The following STAM variants were observed in gnomAD, a reference collection of about 807,000 sequenced individuals.
STAM encodes signal transducing adaptor molecule.
STAM carries 16 observed loss-of-function variants against 63.4 expected under a neutral mutation model. The ratio of observed to expected loss-of-function variants is 0.25; its 90% CI spans 0.17 to 0.38. The LOEUF is 0.38. STAM is among the 10% of genes least tolerant of loss of function. The pLI is 1.00. For synonymous variants in STAM, 238 were observed against 223.9 expected, an observed-to-expected ratio of 1.06 and a Z score of -0.56; for missense variants, 636 against 657.1, an observed-to-expected ratio of 0.97 and a Z score of 0.35.
chr10:17,685,932 G>C (rs1398877932), intron 4 of STAM, among the ~76,000 whole-genome samples: 1 of 152,120 alleles, frequency 6.6e-6, no homozygotes, highest in African/African-American at 2.4e-5. Flanking sequence ...CCTTTTTAGG[G>C]GGAGTACTGT....
chr10:17,652,343 A>G (rs1833774069), intron 1 of STAM, among the ~76,000 whole-genome samples: 1 of 152,186 alleles, frequency 6.6e-6, no homozygotes, highest in Non-Finnish European at 1.5e-5. Flanking sequence ...GAACAATTTT[A>G]GATTTCTGAA....
chr10:17,693,430 C>T lies in STAM; in HGVS notation c.535+118C>T. 8.0e-6 allele frequency: 6 copies of T among 751,298 alleles called. 1 individual carries two copies. In the South Asian group the frequency reaches 1.1e-4, roughly 14 times the overall value. 46.5% of individuals were successfully genotyped at this position (751,298 alleles called of 1,614,324 possible). On this transcript the variant is annotated intron_variant, in intron 6 of 13. Transcript: ENST00000377524. ...AAAAGCTGAAATCTGCTTTGTTGCC[C>T]TCCTCAGTATTCTTTGCTTTACTCT...
intron 12 of STAM, among the ~76,000 whole-genome samples, chr10:17,707,327 A>G (rs1021860720): frequency 7.9e-5 from 12 of 151,988 alleles, no homozygotes; most frequent in Non-Finnish European, 1.3e-4. Context: ...GGAGAATGGC[A>G]TGAACCCGGG....
chr10:17,705,624 G>A lies in STAM; in HGVS notation c.1092G>A (p.Val364=), dbSNP rs782581052. The A allele has an allele frequency of 1.2e-6, 2 of 1,613,620 alleles. No individual in the cohort carries two copies. The highest frequency in any genetic ancestry group is 1.7e-6 in the Non-Finnish European group (2 of 1,179,918). Residue 364 remains valine, a synonymous_variant, in exon 12 of 14, where the codon GTG becomes GTA. Coordinates refer to ENST00000377524, the MANE Select transcript of STAM (RefSeq NM_003473.4). ...HSELSELNVK[V]MEALSLYTKL... is the part of the protein sequence containing the mutation. ...AACTCTCAGAACTTAATGTGAAAGTGATGGAGGCCCTTTCCTTATATACCA... is the reference window on the plus strand; with the variant it reads ...AACTCTCAGAACTTAATGTGAAAGTAATGGAGGCCCTTTCCTTATATACCA...
intron 9 of STAM, among the ~76,000 whole-genome samples, chr10:17,704,025 C>T (rs1194177089): frequency 3.3e-5 from 5 of 152,204 alleles, no homozygotes; most frequent in African/African-American, 7.2e-5. Flanking sequence ...GAAGAACTCA[C>T]GCATTGTAAG....
At chr10:17,661,037 T>A (rs1834147383) in intron 2 of STAM, among the ~76,000 whole-genome samples, 1 of 152,180 alleles carries the variant, frequency 6.6e-6, no homozygotes, top group Non-Finnish European at 1.5e-5. Context: ...CTTTGTCAGA[T>A]TTGCAACATT....
chr10:17,668,096 A>G (rs1321259322), intron 2 of STAM, among the ~76,000 whole-genome samples: 2 of 152,252 alleles, frequency 1.3e-5, no homozygotes, highest in African/African-American at 4.8e-5. Context: ...CAAAGTGTTG[A>G]AAGCATCACT....
chr10:17,676,823 T>C (rs1002805846), intron 2 of STAM, among the ~76,000 whole-genome samples: 2 of 152,218 alleles, frequency 1.3e-5, no homozygotes, highest in Non-Finnish European at 2.9e-5. Context: ...AATTCACTTA[T>C]AATCCCCAAA....
chr10:17,690,800 C>T (rs1156640358), intron 5 of STAM, among the ~76,000 whole-genome samples: 2 of 152,098 alleles, frequency 1.3e-5, no homozygotes, highest in Non-Finnish European at 2.9e-5. Context: ...GTTCTGTTAG[C>T]ACTAACTTTT....
At chr10:17,682,331 T>C (rs1249903701) in intron 2 of STAM, among the ~76,000 whole-genome samples, 2 of 152,208 alleles carry the variant, frequency 1.3e-5, no homozygotes, top group African/African-American at 4.8e-5. Flanking sequence ...GGAAGAGGTA[T>C]TACATTGTGT....
At chr10:17,702,344 G>T (rs1836034654) in intron 9 of STAM, among the ~76,000 whole-genome samples, 1 of 152,092 alleles carries the variant, frequency 6.6e-6, no homozygotes, top group Non-Finnish European at 1.5e-5. Context: ...GGGAAATTGA[G>T]TAGAAATATG....
chr10:17,671,763 T>A (rs2131604794), intron 2 of STAM, among the ~76,000 whole-genome samples: 1 of 152,334 alleles, frequency 6.6e-6, no homozygotes, highest in East Asian at 1.9e-4. Flanking sequence ...TTTGTTTTGA[T>A]CATTTTTCTT....
At chr10:17,693,345 C>A (rs890987981) in intron 6 of STAM, 33 bp downstream of exon 6, 2 of 1,502,436 alleles carry the variant, frequency 1.3e-6, no homozygotes, top group Non-Finnish European at 1.8e-6. Context: ...GTGGGAATAA[C>A]ATAAGCCTTT....
intron 1 of STAM, among the ~76,000 whole-genome samples, chr10:17,656,293 T>TAAA (rs34558527): frequency 3.1e-5 from 4 of 127,906 alleles, no homozygotes; most frequent in African/African-American, 1.2e-4. Flanking sequence ...GACTCCGTCT[T>TAAA]AAAAAAAAAA....
Position 17,704,413 on chromosome 10 carries a change from A to T in STAM, c.913-18A>T. The T allele has an allele frequency of 6.2e-7, 1 of 1,605,158 alleles. No homozygotes were observed. The highest frequency in any genetic ancestry group is 8.5e-7 in the Non-Finnish European group (1 of 1,173,320). ...TAAAGGTTGGTAGCTTTTTATATTA[A>T]CTACTTAATTCCTGTAGGATAAAAT... On this transcript the variant is annotated intron_variant, in intron 9 of 13. Transcript: ENST00000377524.
At chr10:17,644,493 C>G in intron 1 of STAM, 114 bp downstream of exon 1, 1 of 1,312,080 alleles carries the variant, frequency 7.6e-7, no homozygotes, top group Non-Finnish European at 1.1e-6. Flanking sequence ...CTCGCTCTTC[C>G]CCTTTCCTGA....
intron 2 of STAM, among the ~76,000 whole-genome samples, chr10:17,674,522 C>T (rs1834767685): frequency 6.6e-6 from 1 of 152,140 alleles, no homozygotes; most frequent in South Asian, 2.1e-4. Context: ...TACCCAAGGC[C>T]TCTGCTTGTG....
At position 17,684,665 on chromosome 10, in the gene STAM, A is replaced by AT. The variant is rs1589073058; in HGVS notation, c.126-3dup. The AT allele has an allele frequency of 1.9e-6, 3 of 1,608,346 alleles. No individual in the cohort carries two copies. Among genetic ancestry groups the AT allele is most frequent in the South Asian group, 1.1e-5 (1 of 89,768 alleles). On this transcript the variant is annotated splice_polypyrimidine_tract_variant and intron_variant, in intron 2 of 13. Coordinates refer to ENST00000377524, the MANE Select transcript of STAM (RefSeq NM_003473.4). ...TTATTAAGTAATTTTTACTTTTCTCATTTTTTTAGACCTAAGGATTGTCTT... is the reference window on the plus strand; with the variant it reads ...TTATTAAGTAATTTTTACTTTTCTCATTTTTTTTAGACCTAAGGATTGTCTT...
rs182052677 is a variant in STAM, at chr10:17,705,771, A to C, written c.1209+30A>C. ...GCTTTTAGAAGCCCATGTTGTTTTA[A>C]ATTCTCAAATGCACAGTGAGGTGTG... On this transcript the variant is annotated intron_variant, in intron 12 of 13. Transcript: ENST00000377524. 211 of 1,599,994 alleles carry C rather than the reference A, an allele frequency of 1.3e-4. No individual in the cohort carries two copies. The African/African-American group carries it at 2.1e-3, about 16-fold the overall frequency.
Sources: allele counts gnomAD v4.1 joint callset (sites outside exome capture counted in the v4.1 genomes callset), GRCh38; gene constraint gnomAD v4.1.1; transcripts MANE v1.5; gene names NCBI Gene and HGNC (gene_info 2026-07-23, HGNC 2026-07-21).